Variants in NR1H2 observed in about 807,000 individuals in gnomAD.
NR1H2 encodes the protein oxysterols receptor LXR-beta.
NR1H2 carries 33 observed loss-of-function variants against 51.2 expected under a neutral mutation model. That is an observed-to-expected ratio of 0.64 (90% CI 0.49 to 0.86). NR1H2 has a LOEUF of 0.86. Ranked by LOEUF, NR1H2 falls within the 40% of genes least tolerant of loss-of-function variation. NR1H2 has a pLI of 0.00. For synonymous variants in NR1H2, 310 were observed against 264.3 expected, an observed-to-expected ratio of 1.17 and a Z score of -1.68; for missense variants, 592 against 639.9, an observed-to-expected ratio of 0.93 and a Z score of 0.81.
Position 50,382,750 on chromosome 19 carries a change from G to C in NR1H2, c.*148G>C. 1 of 801,538 alleles carries C rather than the reference G, an allele frequency of 1.2e-6. No individual in the cohort carries two copies. The highest frequency in any genetic ancestry group is 1.9e-6 in the Non-Finnish European group (1 of 537,126). 49.7% of individuals were successfully genotyped at this position (801,538 alleles called of 1,614,324 possible). On this transcript the variant is annotated 3_prime_UTR_variant, in exon 10 of 10. Coordinates refer to ENST00000253727, the MANE Select transcript of NR1H2 (RefSeq NM_007121.7). The stretch of plus-strand genomic sequence containing the variant: ...ATCCCTTGGGATAAGCCCCAGTCCA[G>C]GTCCAGGAGGCTCCCTCCCTGCCCA...
intron 8 of NR1H2, among the ~76,000 whole-genome samples, 156 bp downstream of exon 8, chr19:50,380,035 G>T (rs2037740737): frequency 6.6e-6 from 1 of 152,224 alleles, no homozygotes; most frequent in Non-Finnish European, 1.5e-5. Flanking sequence ...CATGTGCCAC[G>T]TGTGGTGGTG....
In NR1H2 at chr19:50,379,882, A is replaced by G. The variant is rs1211029734; in HGVS notation, c.1027+3A>G. On this transcript the variant is annotated splice_donor_region_variant and intron_variant, in intron 8 of 9. Transcript: ENST00000253727. ...CAAGGACGACTTCCACCGTGCAGGT[A>G]GGGCCCAGGGGAGGCTTCGGGGAGG... 2.5e-6 allele frequency: 4 copies of G among 1,606,580 alleles called. No homozygotes were observed. Among genetic ancestry groups the G allele is most frequent in the South Asian group, 2.2e-5 (2 of 90,930 alleles).
At chr19:50,378,827 C>A (rs747161618) in intron 6 of NR1H2, 31 bp downstream of exon 6, 19 of 1,602,654 alleles carry the variant, frequency 1.2e-5, no homozygotes, top group Non-Finnish European at 1.6e-5. Context: ...TTGAGTGTGA[C>A]GGTCCCAATG....
chr19:50,378,731 C>A lies in NR1H2; in HGVS notation c.682C>A (p.Gln228Lys). 6.2e-7 allele frequency: 1 copy of A among 1,613,876 alleles called. No homozygotes were observed. The highest frequency in any genetic ancestry group is 8.5e-7 in the Non-Finnish European group (1 of 1,180,026). The change falls in exon 6 of 10, where the codon CAG (glutamine) becomes AAG (lysine). Residue 228 changes from glutamine to lysine, a missense_variant. Physicochemically the swap from Gln to Lys is moderately conservative, Grantham distance 53 (BLOSUM62 1). Around this residue, in one of 3 missense-constraint regions of NR1H2, gnomAD observed 316 missense variants for 313.4 expected, o/e 1.01. Coordinates refer to ENST00000253727, the MANE Select transcript of NR1H2 (RefSeq NM_007121.7). ...AACAGCGGCTCAAGAACTAATGATC[C>A]AGCAGTTGGTGGCGGCCCAACTGCA... ...QLTAAQELMI[Q>K]QLVAAQLQCN... is the part of the protein sequence containing the mutation.
In NR1H2 at chr19:50,382,512, C is replaced by G; in HGVS notation, c.1293C>G (p.Ser431Arg). The G allele has an allele frequency of 3.1e-6, 5 of 1,610,986 alleles. No individual in the cohort carries two copies. Among genetic ancestry groups the G allele is most frequent in the Non-Finnish European group, 4.2e-6 (5 of 1,179,078 alleles). ...LMKLVSLRTL[S>R]SVHSEQVFAL... is the part of the protein sequence containing the mutation. ...AGCTGGTGAGCCTGCGCACGCTGAG[C>G]TCTGTGCACTCGGAGCAGGTCTTCG... The change falls in exon 10 of 10, where the codon AGC becomes AGG. Residue 431 changes from serine (S) to arginine (R), a missense_variant. By Grantham distance (110) the Ser-to-Arg change is moderately radical. Around this residue, in one of 3 missense-constraint regions of NR1H2, gnomAD observed 174 missense variants for 174.0 expected, o/e 1.00. Transcript: ENST00000253727.
At chr19:50,382,210 A>T in intron 9 of NR1H2, 36 bp downstream of exon 9, 1 of 1,482,398 alleles carries the variant, frequency 6.7e-7, no homozygotes, top group Non-Finnish European at 9.0e-7. Flanking sequence ...AGAGCCAACT[A>T]CGTCCCGCGG....
rs1248753692 is a variant in NR1H2, at chr19:50,382,657, G to A, written c.*55G>A. The A allele has an allele frequency of 8.7e-6, 13 of 1,491,364 alleles. No individual in the cohort carries two copies. The East Asian group carries it at 1.8e-4, about 21-fold the overall frequency. The allele number at this position is 1,491,364 out of a possible 1,614,324, so 92.4% of individuals were successfully genotyped here. A position where few individuals can be genotyped will look rare whatever the true frequency, so the allele number is the denominator to read the frequency against. On this transcript the variant is annotated 3_prime_UTR_variant, in exon 10 of 10. Transcript: ENST00000253727. Reference sequence around the variant, plus strand: ...CCTGACCACCCTCCAGCAGATAGACGCCGGCACCCCTTCCTCTTCCTAGGG... The same window carrying A: ...CCTGACCACCCTCCAGCAGATAGACACCGGCACCCCTTCCTCTTCCTAGGG...
chr19:50,382,428 GCCAGC>G (rs776986683), intron 9 of NR1H2, 23 bp from the exon 10 acceptor site: 62 of 1,562,896 alleles, frequency 4.0e-5, no homozygotes, highest in Non-Finnish European at 5.0e-5. Context: ...CAGGGGCTCA[GCCAGC>G]GCCCACCTGC....
At position 50,382,551 on chromosome 19, in the gene NR1H2, G is replaced by A; in HGVS notation, c.1332G>A (p.Gln444=). 6 of 1,607,038 alleles carry A rather than the reference G, an allele frequency of 3.7e-6. No homozygotes were observed. The highest frequency in any genetic ancestry group is 5.1e-6 in the Non-Finnish European group (6 of 1,176,528). Residue 444 remains glutamine, a synonymous_variant, in exon 10 of 10, where the codon CAG becomes CAA. Coordinates refer to ENST00000253727, the MANE Select transcript of NR1H2 (RefSeq NM_007121.7). ...AGCAGGTCTTCGCCTTGCGGCTCCA[G>A]GACAAGAAGCTGCCGCCTCTGCTGT... The part of the protein sequence containing the change: ...HSEQVFALRL[Q]DKKLPPLLSE...
intron 4 of NR1H2, 70 bp from the exon 5 acceptor site, chr19:50,378,079 C>T (rs1471826709): frequency 4.6e-6 from 7 of 1,519,092 alleles, no homozygotes; most frequent in East Asian, 4.5e-5. Context: ...TGGGGATCTC[C>T]TGTGGGCCCA....
At chr19:50,380,578 TC>T (rs2123653982) in intron 8 of NR1H2, among the ~76,000 whole-genome samples, 1 of 152,258 alleles carries the variant, frequency 6.6e-6, no homozygotes, top group African/African-American at 2.4e-5. Context: ...CCCCACCCTC[TC>T]CCCTTCCTCT....
At chr19:50,380,543 CTG>C (rs1209576244) in intron 8 of NR1H2, among the ~76,000 whole-genome samples, 2 of 152,200 alleles carry the variant, frequency 1.3e-5, no homozygotes, top group Non-Finnish European at 2.9e-5. Context: ...GGGGACCTCT[CTG>C]TATTTCCCGA....
In NR1H2 at chr19:50,379,141, G is replaced by C; in HGVS notation, c.887G>C (p.Arg296Pro). ...GTGCCTGGTTTCCTGCAGCTGGGCCGGGAGGACCAGATCGCCCTCCTGAAG... is the reference window on the plus strand; with the variant it reads ...GTGCCTGGTTTCCTGCAGCTGGGCCCGGAGGACCAGATCGCCCTCCTGAAG... ...KQVPGFLQLG[R>P]EDQIALLKAS... The change falls in exon 7 of 10, where the codon CGG (arginine) becomes CCG (proline). Residue 296 changes from arginine (R) to proline (P), a missense_variant. By Grantham distance (103) the Arg-to-Pro change is moderately radical (BLOSUM62 -2). Transcript: ENST00000253727. 3.1e-6 allele frequency: 5 copies of C among 1,613,746 alleles called. No individual in the cohort carries two copies. Among genetic ancestry groups the C allele is most frequent in the Non-Finnish European group, 4.2e-6 (5 of 1,179,906 alleles).
At chr19:50,379,979 A>C in intron 8 of NR1H2, 100 bp downstream of exon 8, 2 of 811,272 alleles carry the variant, frequency 2.5e-6, no homozygotes, top group Non-Finnish European at 4.2e-6. Context: ...CTTTATCTCC[A>C]AAGTTGGGGT....
chr19:50,378,134 A>AC lies in NR1H2; in HGVS notation c.182-13dup, dbSNP rs778945319. On this transcript the variant is annotated splice_polypyrimidine_tract_variant and intron_variant, in intron 4 of 9. Transcript: ENST00000253727. ...TCCTTGTGGCTTTCTCATGGCCTCT[A>AC]CCTACCCACCCCAGTCATCCCAGAT... The AC allele has an allele frequency of 1.9e-6, 3 of 1,601,090 alleles. No individual in the cohort carries two copies. Among genetic ancestry groups the AC allele is most frequent in the Non-Finnish European group, 1.7e-6 (2 of 1,172,158 alleles).
chr19:50,380,992 G>A (rs921174431), intron 8 of NR1H2, among the ~76,000 whole-genome samples: 5 of 152,184 alleles, frequency 3.3e-5, no homozygotes, highest in African/African-American at 1.2e-4. Context: ...CTCACTGGGA[G>A]AAGAGCTAGA....
intron 2 of NR1H2, chr19:50,377,291 A>G (rs1185353295): frequency 1.1e-5 from 4 of 366,172 alleles, no homozygotes; most frequent in Non-Finnish European, 1.9e-5. Flanking sequence ...AAGGCAGAGC[A>G]TGATTAAAGG....
chr19:50,378,698 G>T lies in NR1H2; in HGVS notation c.649G>T (p.Val217Phe), dbSNP rs754280088. 5.6e-6 allele frequency: 9 copies of T among 1,613,674 alleles called. No individual in the cohort carries two copies. The highest frequency in any genetic ancestry group is 7.6e-6 in the Non-Finnish European group (9 of 1,180,032). ...CCAGGGCTCCGGGGAAGGCGAGGGT[G>T]TCCAGCTAACAGCGGCTCAAGAACT... The part of the protein sequence containing the change: ...GSQGSGEGEG[V>F]QLTAAQELMI... The change falls in exon 6 of 10, where the codon GTC becomes TTC. Residue 217 changes from valine (V) to phenylalanine (F), a missense_variant. By Grantham distance (50) the Val-to-Phe change is conservative (BLOSUM62 -1). Coordinates refer to ENST00000253727, the MANE Select transcript of NR1H2 (RefSeq NM_007121.7).
chr19:50,378,579 C>G lies in NR1H2; in HGVS notation c.530C>G (p.Ser177Ter). Residue 177 changes from serine to a stop codon, truncating the protein, a stop_gained, in exon 6 of 10, where the codon TCA (serine) becomes TGA (stop). Coordinates refer to ENST00000253727, the MANE Select transcript of NR1H2 (RefSeq NM_007121.7). LOFTEE classifies it high-confidence loss of function. ...AAGATTCGGAAACAGCAGCAGGAGT[C>G]ACAGTCACAGTCGCAGTCACCTGTG... is the stretch of plus-strand genomic sequence containing the variant. ...KKKIRKQQQESQSQSQSPVGP... is the reference protein window; with the variant it reads ...KKKIRKQQQE 1 of 1,593,388 alleles carries G rather than the reference C, an allele frequency of 6.3e-7. No individual in the cohort carries two copies. The highest frequency in any genetic ancestry group is 8.6e-7 in the Non-Finnish European group (1 of 1,164,378).
Sources: allele counts gnomAD v4.1 joint callset (sites outside exome capture counted in the v4.1 genomes callset), GRCh38; gene constraint gnomAD v4.1.1; regional missense constraint gnomAD v4.1.1; transcripts MANE v1.5; gene names NCBI Gene and HGNC (gene_info 2026-07-23, HGNC 2026-07-21).